ABCC4: variants seen among roughly 807,000 people sequenced by gnomAD.
The protein encoded by ABCC4 is ATP-binding cassette sub-family C member 4.
A neutral mutation model predicts 168.5 loss-of-function variants in ABCC4; 102 were observed. The ratio of observed to expected loss-of-function variants is 0.61; its 90% CI spans 0.52 to 0.71. The LOEUF (loss-of-function observed/expected upper bound fraction) is 0.71, where lower values mean the gene tolerates loss of function less well. Ranked by LOEUF, ABCC4 falls within the 30% of genes least tolerant of loss-of-function variation. The pLI, the probability that ABCC4 is intolerant of heterozygous loss-of-function variation, is 0.00. For synonymous variants in ABCC4, 617 were observed against 590.7 expected (o/e 1.04, Z -0.65); for missense variants, 1,402 against 1,605.8 (o/e 0.87, Z 2.17).
chr13:95,114,244 A>G (rs2035297653), intron 20 of ABCC4, among the ~76,000 whole-genome samples: 1 of 152,152 alleles, frequency 6.6e-6, no homozygotes, highest in African/African-American at 2.4e-5. Flanking sequence ...TGCTTCTAAG[A>G]AATGTTTTAT....
In ABCC4 at chr13:95,071,756, C is replaced by G; in HGVS notation, c.3116G>C (p.Gly1039Ala). 1.2e-6 allele frequency: 2 copies of G among 1,607,410 alleles called. No homozygotes were observed. Among genetic ancestry groups the G allele is most frequent in the Non-Finnish European group, 8.5e-7 (1 of 1,176,964 alleles). ...KRPPPAWPHEGVIIFDNVNFM... is the reference protein window; with the variant it reads ...KRPPPAWPHEAVIIFDNVNFM... ...GTTCACATTGTCAAAGATTATCACT[C>G]CTTCATGGGGCCAGGCTGGTGGTGG... Residue 1039 changes from glycine (G) to alanine (A), a missense_variant, in exon 25 of 31, where the codon GGA (glycine) becomes GCA (alanine). Gly to Ala is a moderately conservative substitution (Grantham distance 60). This residue lies in a region of ABCC4 where 1,007 missense variants were observed against 1,127.3 expected (regional missense o/e 0.89). Transcript: ENST00000645237.
intron 1 of ABCC4, among the ~76,000 whole-genome samples, chr13:95,270,700 C>A (rs1424018597): frequency 6.6e-6 from 1 of 152,176 alleles, no homozygotes; most frequent in East Asian, 1.9e-4. Context: ...CTCCCCAGCC[C>A]CAGATGATGG....
At chr13:95,248,056 C>T (rs2040156697) in intron 1 of ABCC4, among the ~76,000 whole-genome samples, 1 of 152,028 alleles carries the variant, frequency 6.6e-6, no homozygotes, top group Non-Finnish European at 1.5e-5. Flanking sequence ...GGAACCAGAG[C>T]TTCCTGAAGA....
chr13:95,157,119 CACACACACACAA>C (rs956764302), intron 19 of ABCC4, among the ~76,000 whole-genome samples: 9 of 144,924 alleles, frequency 6.2e-5, no homozygotes, highest in Non-Finnish European at 8.9e-5. Context: ...CACACACACA[CACACACACACAA>C]ACAGTCACCA....
At chr13:95,074,168 A>G in intron 23 of ABCC4, 46 bp downstream of exon 23, 2 of 1,428,736 alleles carry the variant, frequency 1.4e-6, no homozygotes, top group Non-Finnish European at 1.9e-6. Flanking sequence ...AAACACAGCT[A>G]TAAATTGTAA....
chr13:95,079,084 C>T (rs1050949047), intron 21 of ABCC4, among the ~76,000 whole-genome samples: 1 of 152,138 alleles, frequency 6.6e-6, no homozygotes, highest in Non-Finnish European at 1.5e-5. Flanking sequence ...AAAGATAGTC[C>T]TTTCTCTTTC....
chr13:95,164,322 A>C, intron 16 of ABCC4, 56 bp downstream of exon 16: 7 of 1,596,352 alleles, frequency 4.4e-6, no homozygotes, highest in Non-Finnish European at 5.1e-6. Flanking sequence ...ATAATAGCAT[A>C]AACATAGGTA....
chr13:95,117,686 A>G (rs1179031339), intron 19 of ABCC4, among the ~76,000 whole-genome samples: 1 of 152,132 alleles, frequency 6.6e-6, no homozygotes, highest in Non-Finnish European at 1.5e-5. Flanking sequence ...TAAAATATGA[A>G]TTATTTCTTA....
chr13:95,101,243 G>A (rs1455074234), intron 20 of ABCC4, among the ~76,000 whole-genome samples: 1 of 152,146 alleles, frequency 6.6e-6, no homozygotes, highest in African/African-American at 2.4e-5. Context: ...CACATTCAGT[G>A]GTGGTCTCCA....
At chr13:95,286,123 C>CTTTTT (rs773328777) in intron 1 of ABCC4, among the ~76,000 whole-genome samples, 2 of 105,522 alleles carry the variant, frequency 1.9e-5, no homozygotes, top group African/African-American at 3.3e-5. Flanking sequence ...TCCAGAAAAA[C>CTTTTT]TTTTTTTTTT....
At chr13:95,155,315 A>G (rs1215378636) in intron 19 of ABCC4, among the ~76,000 whole-genome samples, 1 of 151,866 alleles carries the variant, frequency 6.6e-6, no homozygotes, top group East Asian at 1.9e-4. Context: ...CAGCCTCCCG[A>G]GCTGCTGGGA....
chr13:95,153,744 AG>A (rs1353092777), intron 19 of ABCC4, among the ~76,000 whole-genome samples: 1 of 152,194 alleles, frequency 6.6e-6, no homozygotes, highest in Non-Finnish European at 1.5e-5. Flanking sequence ...ACATTCTAGT[AG>A]ATTAAAAATT....
intron 16 of ABCC4, 140 bp downstream of exon 16, chr13:95,164,238 T>C (rs977888468): frequency 8.1e-6 from 8 of 988,534 alleles, no homozygotes; most frequent in African/African-American, 1.6e-5. Flanking sequence ...GGAACACCAG[T>C]AGGCAGCCCT....
At chr13:95,216,324 TTAATG>T (rs1286562065) in intron 4 of ABCC4, among the ~76,000 whole-genome samples, 1 of 152,148 alleles carries the variant, frequency 6.6e-6, no homozygotes, top group Non-Finnish European at 1.5e-5. Flanking sequence ...AATCTGTAAA[TTAATG>T]TATCATCGTT....
At chr13:95,228,021 T>G (rs150025774) in intron 4 of ABCC4, among the ~76,000 whole-genome samples, 1 of 152,340 alleles carries the variant, frequency 6.6e-6, no homozygotes, top group East Asian at 1.9e-4. Context: ...TGAATATCTG[T>G]AATTTCATAC....
intron 19 of ABCC4, among the ~76,000 whole-genome samples, chr13:95,125,962 C>G (rs2035744717): frequency 6.6e-6 from 1 of 152,150 alleles, no homozygotes; most frequent in Non-Finnish European, 1.5e-5. Flanking sequence ...GACGACTGCT[C>G]TCAAACACTG....
At chr13:95,077,001 G>C (rs1202290159) in intron 21 of ABCC4, among the ~76,000 whole-genome samples, 1 of 152,212 alleles carries the variant, frequency 6.6e-6, no homozygotes, top group East Asian at 1.9e-4. Context: ...ACAGGCAGGT[G>C]TGAGCCACCA....
At chr13:95,218,985 G>GAAAGAAAGAA (rs1431739821) in intron 4 of ABCC4, among the ~76,000 whole-genome samples, 1 of 23,448 alleles carries the variant, frequency 4.3e-5, no homozygotes, top group Non-Finnish European at 1.2e-4. Flanking sequence ...AAGAAAGAAA[G>GAAAGAAAGAA]AGTGAGAAAG....
At chr13:95,121,895 A>G (rs903391920) in intron 19 of ABCC4, among the ~76,000 whole-genome samples, 2 of 152,170 alleles carry the variant, frequency 1.3e-5, no homozygotes, top group Non-Finnish European at 2.9e-5. Flanking sequence ...CCTCTGAAGA[A>G]AGGTTTCTGC....
Sources: allele counts gnomAD v4.1 joint callset (sites outside exome capture counted in the v4.1 genomes callset), GRCh38; gene constraint gnomAD v4.1.1; regional missense constraint gnomAD v4.1.1; transcripts MANE v1.5; gene names NCBI Gene and HGNC (gene_info 2026-07-23, HGNC 2026-07-21).